Variants in SMC2 observed in about 807,000 individuals in gnomAD.
SMC2 encodes structural maintenance of chromosomes protein 2.
In SMC2, 41 loss-of-function variants were observed where a neutral mutation model predicts 142.6. That is an observed-to-expected ratio of 0.29 (90% CI 0.22 to 0.37). The LOEUF (loss-of-function observed/expected upper bound fraction) is 0.37, where lower values mean the gene tolerates loss of function less well. SMC2 is among the 10% of genes least tolerant of loss of function. The pLI is 1.00. For synonymous variants in SMC2, 463 were observed against 457.5 expected (o/e 1.01, Z -0.15); for missense variants, 1,265 against 1,373.7 (o/e 0.92, Z 1.25).
chr9:104,100,507 A>G (rs1206428414), intron 7 of SMC2, 74 bp downstream of exon 7: 2 of 935,258 alleles, frequency 2.1e-6, no homozygotes, highest in South Asian at 1.5e-5. Context: ...AATCATACAC[A>G]TAGTGATACT....
chr9:104,121,122 G>A (rs993931722), intron 16 of SMC2, among the ~76,000 whole-genome samples: 1 of 137,206 alleles, frequency 7.3e-6, no homozygotes, highest in African/African-American at 3.5e-5. Flanking sequence ...TGGCTCTGTG[G>A]TTATCTGGGA....
intron 16 of SMC2, among the ~76,000 whole-genome samples, chr9:104,122,476 T>G (rs1014838101): frequency 2.6e-5 from 4 of 151,942 alleles, no homozygotes; most frequent in African/African-American, 4.8e-5. Flanking sequence ...TTTTGTTTTT[T>G]TTTTTTCCTC....
At chr9:104,119,743 G>A (rs1024633319) in intron 15 of SMC2, among the ~76,000 whole-genome samples, 8 of 152,150 alleles carry the variant, frequency 5.3e-5, no homozygotes, top group Non-Finnish European at 1.2e-4. Context: ...TCATTGGCCA[G>A]AGCAAATCAC....
At chr9:104,114,941 A>G in intron 13 of SMC2, 112 bp downstream of exon 13, 1 of 767,574 alleles carries the variant, frequency 1.3e-6, no homozygotes, top group Non-Finnish European at 1.9e-6. Flanking sequence ...AAGGTGACTT[A>G]TTTATAGGGT....
chr9:104,114,000 A>T lies in SMC2; in HGVS notation c.1451A>T (p.Gln484Leu). 1 of 1,597,352 alleles carries T rather than the reference A, an allele frequency of 6.3e-7. No individual in the cohort carries two copies. Among genetic ancestry groups the T allele is most frequent in the Non-Finnish European group, 8.5e-7 (1 of 1,175,316 alleles). ...GAAAGCCTTTTGGAAAAGCGCAGGC[A>T]GCTGTCTCGTGATATTGGTAGATTG... ...KEESLLEKRR[Q>L]LSRDIGRLKE... The change falls in exon 12 of 25, where the codon CAG becomes CTG. Residue 484 changes from glutamine to leucine, a missense_variant. By Grantham distance (113) the Gln-to-Leu change is moderately radical. Transcript: ENST00000374793.
chr9:104,107,987 G>A (rs922252034), intron 9 of SMC2, among the ~76,000 whole-genome samples: 15 of 152,098 alleles, frequency 9.9e-5, no homozygotes, highest in African/African-American at 3.6e-4. Context: ...TCTTAGCTAC[G>A]AGGGGCATAC....
In SMC2 at chr9:104,123,118, C is replaced by A; in HGVS notation, c.2143C>A (p.Leu715Ile). ...TTCTGTTTTTGTAAGGTATCGCCAACTAAAACAGCAGTGGGAGATGAAAAC... is the reference window on the plus strand; with the variant it reads ...TTCTGTTTTTGTAAGGTATCGCCAAATAAAACAGCAGTGGGAGATGAAAAC... ...LKNTAEKYRQ[L>I]KQQWEMKTEE... Residue 715 changes from leucine to isoleucine, a missense_variant, in exon 17 of 25, where the codon CTA becomes ATA. By Grantham distance (5) the Leu-to-Ile change is conservative (BLOSUM62 2). Around this residue, in one of 4 missense-constraint regions of SMC2, gnomAD observed 898 missense variants for 904.2 expected, o/e 0.99. Transcript: ENST00000374793. 1 of 1,609,850 alleles carries A rather than the reference C, an allele frequency of 6.2e-7. No individual in the cohort carries two copies. Among genetic ancestry groups the A allele is most frequent in the South Asian group, 1.1e-5 (1 of 90,200 alleles).
chr9:104,118,733 C>T (rs569360507), intron 15 of SMC2, among the ~76,000 whole-genome samples: 16 of 152,276 alleles, frequency 1.1e-4, no homozygotes, highest in Non-Finnish European at 4.4e-5. Flanking sequence ...ACAGTAGCCA[C>T]TAGCCATATG....
chr9:104,126,686 C>T lies in SMC2; in HGVS notation c.2497C>T (p.His833Tyr). The change falls in exon 19 of 25, where the codon CAT (histidine) becomes TAT (tyrosine). Residue 833 changes from histidine to tyrosine, a missense_variant. Physicochemically the swap from His to Tyr is moderately conservative, Grantham distance 83. Transcript: ENST00000374793. ...TLELEELKRE[H>Y]TSYKQQLEAV... The stretch of plus-strand genomic sequence containing the variant: ...GGAACTGGAAGAGCTCAAGAGAGAG[C>T]ATACATCTTACAAACAACAGCTTGA... 2.5e-6 allele frequency: 4 copies of T among 1,612,208 alleles called. No homozygotes were observed. Among genetic ancestry groups the T allele is most frequent in the Middle Eastern group, 1.7e-4 (1 of 6,056 alleles).
At chr9:104,094,708 AAGT>A (rs1830257038) in intron 1 of SMC2, 3 of 338,216 alleles carry the variant, frequency 8.9e-6, no homozygotes, top group African/African-American at 4.3e-5. Context: ...TAAAAGCAAG[AAGT>A]TGGAGAATAT....
At chr9:104,089,116 C>T in the SMC2 span, among the ~76,000 whole-genome samples, 2 of 152,048 alleles carry the variant, frequency 1.3e-5, no homozygotes, top group Non-Finnish European at 2.9e-5. Context: ...GTAATTTTCA[C>T]CAAAGGTTTA....
intron 20 of SMC2, 97 bp downstream of exon 20, chr9:104,127,577 A>G: frequency 1.2e-6 from 1 of 831,802 alleles, no homozygotes; most frequent in Non-Finnish European, 1.7e-6. Flanking sequence ...CTCTATAAAT[A>G]TAAATGGCAA....
chr9:104,132,722 C>T (rs1376087720), intron 22 of SMC2, among the ~76,000 whole-genome samples: 2 of 151,930 alleles, frequency 1.3e-5, no homozygotes, highest in South Asian at 2.1e-4. Flanking sequence ...TTTTTTTCTT[C>T]TCTAAGACTT....
chr9:104,111,594 T>C lies in SMC2; in HGVS notation c.1034T>C (p.Leu345Ser). The C allele has an allele frequency of 1.2e-6, 2 of 1,611,962 alleles. No individual in the cohort carries two copies. Among genetic ancestry groups the C allele is most frequent in the South Asian group, 2.2e-5 (2 of 90,556 alleles). ...EKNMVEDSKT[L>S]AAKEKEVKKI... ...CTCTTCCTAAAGGACTCAAAAACTT[T>C]AGCAGCAAAGGAAAAAGAGGTTAAA... Residue 345 changes from leucine to serine, a missense_variant, in exon 10 of 25, where the codon TTA (leucine) becomes TCA (serine). Physicochemically the swap from Leu to Ser is moderately radical, Grantham distance 145. This residue lies in a region of SMC2 where 898 missense variants were observed against 904.2 expected (regional missense o/e 0.99). Transcript: ENST00000374793.
At chr9:104,121,644 T>C (rs1833750599) in intron 16 of SMC2, among the ~76,000 whole-genome samples, 1 of 152,226 alleles carries the variant, frequency 6.6e-6, no homozygotes, top group African/African-American at 2.4e-5. Context: ...TTGAAATGAT[T>C]ATTTTTGGGT....
intron 9 of SMC2, among the ~76,000 whole-genome samples, chr9:104,106,893 A>G (rs181052633): frequency 0.057 from 8,607 of 152,088 alleles, 649 homozygotes; most frequent in African/African-American, 0.18. Flanking sequence ...AAAGATGACC[A>G]CTTACTGGCA....
chr9:104,118,402 C>T, intron 15 of SMC2, 27 bp downstream of exon 15: 1 of 1,572,884 alleles, frequency 6.4e-7, no homozygotes, highest in Admixed American at 1.7e-5. Context: ...TTTCTCCTCA[C>T]AATTCTTTGT....
At position 104,111,685 on chromosome 9, in the gene SMC2, T is replaced by C. The variant is rs1368444959; in HGVS notation, c.1125T>C (p.Ala375=). 14 of 1,613,902 alleles carry C rather than the reference T, an allele frequency of 8.7e-6. No individual in the cohort carries two copies. The highest frequency in any genetic ancestry group is 1.3e-5 in the African/African-American group (1 of 74,920). The change falls in exon 10 of 25, where the codon GCT becomes GCC. Residue 375 remains alanine, a synonymous_variant. Transcript: ENST00000374793. Reference sequence around the variant, plus strand: ...ATAAAGATGCTGAAGCTCTGGCAGCTGCACAGCAGCACTTCAATGCTGTTT... The same window carrying C: ...ATAAAGATGCTGAAGCTCTGGCAGCCGCACAGCAGCACTTCAATGCTGTTT... ...ASNKDAEALA[A]AQQHFNAVSA...
chr9:104,128,469 C>T (rs1230742229), intron 20 of SMC2, among the ~76,000 whole-genome samples: 3 of 152,152 alleles, frequency 2.0e-5, no homozygotes, highest in Non-Finnish European at 4.4e-5. Flanking sequence ...GCAAGTGGGT[C>T]TGCTAAGAAG....
Sources: allele counts gnomAD v4.1 joint callset (sites outside exome capture counted in the v4.1 genomes callset), GRCh38; gene constraint gnomAD v4.1.1; regional missense constraint gnomAD v4.1.1; transcripts MANE v1.5; gene names NCBI Gene and HGNC (gene_info 2026-07-23, HGNC 2026-07-21).